Variants in TRPM3 observed in about 807,000 individuals in gnomAD.
The protein encoded by TRPM3 is transient receptor potential cation channel subfamily M member 3, also known as long transient receptor potential channel 3.
A neutral mutation model predicts 181.2 loss-of-function variants in TRPM3; 77 were observed. That is an observed-to-expected ratio of 0.42 (90% confidence interval 0.35 to 0.51). The LOEUF is 0.51. TRPM3 is among the 20% of genes least tolerant of loss of function. TRPM3 has a pLI of 0.01. For missense variants in TRPM3, 1,759 were observed against 2,196.7 expected, an observed-to-expected ratio of 0.80 and a Z score of 3.98; for synonymous variants, 745 against 796.4, an observed-to-expected ratio of 0.94 and a Z score of 1.09.
At chr9:70,631,141 A>T (rs2065762030) in intron 12 of TRPM3, among the ~76,000 whole-genome samples, 1 of 152,228 alleles carries the variant, frequency 6.6e-6, no homozygotes, top group Admixed American at 6.5e-5. Context: ...TAATAAAGAA[A>T]AGTGGACTGC....
rs7042498 is a variant in TRPM3, at chr9:70,883,684, A to G, written c.178-19173T>C. ...ACTTATATGAGCCAAAGGTACCAGAAAATTTATTTCTTCACAATTCACAGA... is the reference window on the plus strand; with the variant it reads ...ACTTATATGAGCCAAAGGTACCAGAGAATTTATTTCTTCACAATTCACAGA... On this transcript the variant is annotated intron_variant, in intron 1 of 25. Coordinates refer to ENST00000677713, the MANE Select transcript of TRPM3 (RefSeq NM_001366145.2). Among the ~76,000 whole-genome samples, 853 of 152,332 alleles carry G rather than the reference A, an allele frequency of 5.6e-3. 9 individuals are homozygous for G. Among genetic ancestry groups the G allele is most frequent in the African/African-American group, 0.02 (812 of 41,570 alleles).
intron 1 of TRPM3, among the ~76,000 whole-genome samples, chr9:70,884,514 T>C (rs1036348527): frequency 6.6e-6 from 1 of 152,212 alleles, no homozygotes; most frequent in African/African-American, 2.4e-5. Context: ...TGCGTGTGTG[T>C]GTGGCATGTG....
At chr9:70,640,493 G>C in intron 10 of TRPM3, 67 bp downstream of exon 10, 1 of 1,261,366 alleles carries the variant, frequency 7.9e-7, no homozygotes, top group South Asian at 1.3e-5. Context: ...TGACCTCAGA[G>C]GCTCCTTAAA....
intron 1 of TRPM3, among the ~76,000 whole-genome samples, chr9:70,968,229 G>A (rs573508776): frequency 5.1e-4 from 78 of 151,920 alleles, no homozygotes; most frequent in Admixed American, 1.4e-3. Context: ...ATAAATTAAG[G>A]GCTTCTTTAC....
chr9:70,932,681 T>C (rs1039311225), intron 1 of TRPM3, among the ~76,000 whole-genome samples: 24 of 152,036 alleles, frequency 1.6e-4, no homozygotes, highest in African/African-American at 5.8e-4. Context: ...CTGTAGCAGG[T>C]GGAAGCAAGA....
At chr9:71,023,088 C>A (rs1457898398) in intron 1 of TRPM3, among the ~76,000 whole-genome samples, 1 of 152,092 alleles carries the variant, frequency 6.6e-6, no homozygotes, top group Non-Finnish European at 1.5e-5. Flanking sequence ...TTGCACACCT[C>A]ATATCTGACA....
chr9:71,060,499 C>T (rs551535993), intron 1 of TRPM3, among the ~76,000 whole-genome samples: 8 of 152,224 alleles, frequency 5.3e-5, no homozygotes, highest in African/African-American at 1.7e-4. Context: ...AGTAGAAGCA[C>T]TATGTTTCAA....
At chr9:71,257,233 T>C (rs1206619047) in intron 1 of TRPM3, among the ~76,000 whole-genome samples, 1 of 151,990 alleles carries the variant, frequency 6.6e-6, no homozygotes, top group Non-Finnish European at 1.5e-5. Context: ...TCTAAATTGA[T>C]AGGAAAATGG....
At chr9:70,906,329 T>C (rs1407891718) in intron 1 of TRPM3, among the ~76,000 whole-genome samples, 1 of 152,104 alleles carries the variant, frequency 6.6e-6, no homozygotes, top group Non-Finnish European at 1.5e-5. Flanking sequence ...AAATGACATA[T>C]AGGTTTCATC....
chr9:71,149,604 A>G (rs2075618699), intron 1 of TRPM3, among the ~76,000 whole-genome samples: 1 of 152,158 alleles, frequency 6.6e-6, no homozygotes, highest in African/African-American at 2.4e-5. Context: ...ATAAATAATG[A>G]AAATCCACTT....
chr9:71,354,021 A>G (rs2091784841), intron 1 of TRPM3, among the ~76,000 whole-genome samples: 2 of 152,290 alleles, frequency 1.3e-5, no homozygotes, highest in South Asian at 4.1e-4. Flanking sequence ...CAAGCACTGC[A>G]GACTATTTTA....
At chr9:70,786,697 TTG>T (rs886808038) in intron 6 of TRPM3, among the ~76,000 whole-genome samples, 2 of 152,168 alleles carry the variant, frequency 1.3e-5, no homozygotes, top group Non-Finnish European at 2.9e-5. Flanking sequence ...GCAAAAGTAA[TTG>T]TGTTTTTTGC....
rs528119517 is a variant in TRPM3, at chr9:70,533,354, T to G, written c.*2599A>C. On this transcript the variant is annotated 3_prime_UTR_variant, in exon 26 of 26. Transcript: ENST00000677713. ...TTAAAATCATCAACATGTTAGGATG[T>G]AAGTGCATTAAATTGGCAACATCTA... 1.3e-5 allele frequency: 2 copies of G among 152,324 alleles called. No individual in the cohort carries two copies. The highest frequency in any genetic ancestry group is 3.9e-4 in the East Asian group (2 of 5,190). 9.4% of individuals were successfully genotyped at this position (152,324 alleles called of 1,614,324 possible).
At chr9:70,605,256 T>C (rs1482369525) in intron 19 of TRPM3, among the ~76,000 whole-genome samples, 1 of 152,076 alleles carries the variant, frequency 6.6e-6, no homozygotes, top group Non-Finnish European at 1.5e-5. Context: ...GCGCCTCGCC[T>C]AAATAGAGTC....
intron 1 of TRPM3, among the ~76,000 whole-genome samples, chr9:71,433,986 TCTCTA>T (rs2093995195): frequency 6.6e-6 from 1 of 151,948 alleles, no homozygotes; most frequent in Admixed American, 6.6e-5. Flanking sequence ...AGAAACCCCA[TCTCTA>T]CTAAAAATAC....
At chr9:70,877,958 G>C (rs933404066) in intron 1 of TRPM3, among the ~76,000 whole-genome samples, 2 of 151,902 alleles carry the variant, frequency 1.3e-5, no homozygotes, top group African/African-American at 2.4e-5. Context: ...TAATAATATG[G>C]CTCTTTTGTT....
At chr9:70,860,874 C>T (rs765996632) in intron 3 of TRPM3, among the ~76,000 whole-genome samples, 5 of 152,066 alleles carry the variant, frequency 3.3e-5, no homozygotes, top group African/African-American at 4.8e-5. Context: ...CATAAGTCAT[C>T]CCGTTTAATG....
At chr9:70,815,342 T>C (rs2092595884) in intron 6 of TRPM3, among the ~76,000 whole-genome samples, 1 of 152,182 alleles carries the variant, frequency 6.6e-6, no homozygotes, top group Non-Finnish European at 1.5e-5. Context: ...GTAAACAATA[T>C]TGTGGTAAAT....
rs187642916 is a variant in TRPM3 at position 70,846,846 on chromosome 9, G to A, written c.463-255C>T. Among the ~76,000 whole-genome samples the A allele has an allele frequency of 9.5e-4, 144 of 152,246 alleles. 1 individual carries two copies. The highest frequency in any genetic ancestry group is 8.6e-3 in the Admixed American group (132 of 15,290). ...ATTTTCTAAAATGCTGTGCAAGCAT[G>A]ACTTTTCCCAGACCGAGTTCTTTGC... On this transcript the variant is annotated intron_variant, in intron 3 of 25. Transcript: ENST00000677713.
Sources: gnomAD v4.1 joint callset for allele counts (sites outside exome capture counted in the v4.1 genomes callset) on GRCh38, gnomAD v4.1.1 for gene constraint, MANE v1.5 for transcripts, NCBI Gene and HGNC (gene_info 2026-07-23, HGNC 2026-07-21) for gene names.